Variants in FRMD6 observed in about 807,000 individuals in gnomAD.
FRMD6 encodes the protein FERM domain containing 6.
A neutral mutation model predicts 73.2 loss-of-function variants in FRMD6; 37 were observed. The ratio of observed to expected loss-of-function variants is 0.51; its 90% CI spans 0.39 to 0.66. The LOEUF is 0.66. Ranked by LOEUF, FRMD6 falls within the 30% of genes least tolerant of loss-of-function variation. The probability of loss-of-function intolerance (pLI) is 0.00; values close to 1 mark genes in which losing one functional copy is unlikely to be tolerated. For synonymous variants in FRMD6, 273 were observed against 282.2 expected, an observed-to-expected ratio of 0.97 and a Z score of 0.33; for missense variants, 714 against 780.5, an observed-to-expected ratio of 0.91 and a Z score of 1.02.
chr14:51,409,340 CTTTTTTTT>C, the FRMD6 span, among the ~76,000 whole-genome samples: 10,099 of 84,718 alleles, frequency 0.12, 425 homozygotes, highest in South Asian at 0.18. Flanking sequence ...AAGTTTTTTG[CTTTTTTTT>C]TTTTTTTTTT....
chr14:51,512,801 G>A (rs1375855191), intron 1 of FRMD6, among the ~76,000 whole-genome samples: 3 of 152,160 alleles, frequency 2.0e-5, no homozygotes. Context: ...GGAAAAGCAA[G>A]GATTGGGGCT....
the FRMD6 span, among the ~76,000 whole-genome samples, chr14:51,409,822 C>T: frequency 6.6e-6 from 1 of 152,240 alleles, no homozygotes; most frequent in South Asian, 2.1e-4. Flanking sequence ...CTCCTTGGCT[C>T]AAGTGATCCA....
intron 1 of FRMD6, among the ~76,000 whole-genome samples, chr14:51,656,181 T>C (rs977890423): frequency 1.3e-5 from 2 of 152,202 alleles, no homozygotes; most frequent in African/African-American, 4.8e-5. Flanking sequence ...TTTTTGTATA[T>C]ATCAAATGGA....
chr14:51,523,568 C>T (rs938244777), intron 1 of FRMD6, among the ~76,000 whole-genome samples: 7 of 152,164 alleles, frequency 4.6e-5, no homozygotes, highest in African/African-American at 1.7e-4. Context: ...ATGGTTGCTC[C>T]TGTAAGTGTA....
chr14:51,591,474 A>G (rs1335087628), intron 2 of FRMD6, among the ~76,000 whole-genome samples: 2 of 152,214 alleles, frequency 1.3e-5, no homozygotes, highest in African/African-American at 2.4e-5. Flanking sequence ...ACTATTTCTG[A>G]TAAGTTTTTT....
intron 1 of FRMD6, among the ~76,000 whole-genome samples, chr14:51,672,314 C>T (rs746657318): frequency 4.6e-5 from 7 of 152,174 alleles, no homozygotes; most frequent in Non-Finnish European, 8.8e-5. Flanking sequence ...GTGAAAGCTT[C>T]TCTGGAGAGT....
At chr14:51,403,723 A>G in the FRMD6 span, among the ~76,000 whole-genome samples, 2 of 152,194 alleles carry the variant, frequency 1.3e-5, no homozygotes, top group African/African-American at 2.4e-5. Context: ...TAAAATCAAT[A>G]TTATGTATTA....
intron 2 of FRMD6, among the ~76,000 whole-genome samples, chr14:51,574,890 G>A (rs1056000623): frequency 6.6e-6 from 1 of 152,076 alleles, no homozygotes. Flanking sequence ...ATTTACCCTG[G>A]TGTGATTACT....
chr14:51,574,485 A>G (rs1195930794), intron 2 of FRMD6, among the ~76,000 whole-genome samples: 1 of 152,250 alleles, frequency 6.6e-6, no homozygotes, highest in Non-Finnish European at 1.5e-5. Context: ...CTACTGAGCC[A>G]TAAAAGAGAA....
intron 4 of FRMD6, among the ~76,000 whole-genome samples, chr14:51,701,431 A>G (rs1465968171): frequency 6.8e-6 from 1 of 146,276 alleles, no homozygotes; most frequent in Non-Finnish European, 1.5e-5. Flanking sequence ...GTATAGTAGT[A>G]TATATAGAAA....
At chr14:51,412,745 A>C in the FRMD6 span, among the ~76,000 whole-genome samples, 26 of 151,514 alleles carry the variant, frequency 1.7e-4, no homozygotes, top group Non-Finnish European at 3.7e-4. Flanking sequence ...CCAGCTACTC[A>C]GGAGGCTGAG....
At chr14:51,492,696 A>T (rs1787114040) in intron 1 of FRMD6, among the ~76,000 whole-genome samples, 2 of 152,248 alleles carry the variant, frequency 1.3e-5, no homozygotes, top group African/African-American at 2.4e-5. Context: ...AAGGAAGAAG[A>T]CTAATATTAA....
intron 2 of FRMD6, among the ~76,000 whole-genome samples, chr14:51,624,195 A>G (rs998167251): frequency 6.6e-6 from 1 of 152,130 alleles, no homozygotes; most frequent in Non-Finnish European, 1.5e-5. Flanking sequence ...TAATTAATGG[A>G]TACTAGGCTT....
chr14:51,508,142 AC>A (rs1177649042), intron 1 of FRMD6, among the ~76,000 whole-genome samples: 1 of 151,212 alleles, frequency 6.6e-6, no homozygotes, highest in South Asian at 2.1e-4. Flanking sequence ...GGCAATGAGC[AC>A]CCCCCAGCCT....
chr14:51,557,162 G>C (rs968092947), intron 1 of FRMD6, among the ~76,000 whole-genome samples: 1 of 151,598 alleles, frequency 6.6e-6, no homozygotes, highest in Non-Finnish European at 1.5e-5. Flanking sequence ...AAGGAAGGAA[G>C]GAAATGAGCA....
In FRMD6 at chr14:51,729,592, TA is replaced by T. The variant is rs878903573; in HGVS notation, c.*1570del. 6.6e-6 allele frequency: 1 copy of T among 152,632 alleles called. No homozygotes were observed. The highest frequency in any genetic ancestry group is 2.4e-5 in the African/African-American group (1 of 41,452). 9.5% of individuals were successfully genotyped at this position (152,632 alleles called of 1,614,324 possible). A position where few individuals can be genotyped will look rare whatever the true frequency, so the allele number is the denominator to read the frequency against. On this transcript the variant is annotated 3_prime_UTR_variant, in exon 14 of 14. Transcript: ENST00000344768. ...TTTTTTTCTATCTGCCCAGTTTTAT[TA>T]AAAAAACTATATATTATTTTCTAAA...
At chr14:51,556,100 T>G (rs1887115208) in intron 1 of FRMD6, among the ~76,000 whole-genome samples, 2 of 152,220 alleles carry the variant, frequency 1.3e-5, no homozygotes, top group African/African-American at 2.4e-5. Context: ...CAAAGGGCCT[T>G]GCATCAACAC....
intron 12 of FRMD6, among the ~76,000 whole-genome samples, chr14:51,722,301 G>A (rs1897670813): frequency 6.6e-6 from 1 of 152,180 alleles, no homozygotes; most frequent in South Asian, 2.1e-4. Context: ...AGCATTTTGT[G>A]CTCCATGCTT....
chr14:51,570,112 G>C (rs2139584341), intron 1 of FRMD6, among the ~76,000 whole-genome samples: 1 of 152,198 alleles, frequency 6.6e-6, no homozygotes, highest in South Asian at 2.1e-4. Flanking sequence ...ACTGCGCCCG[G>C]CCCATGAGCC....
Sources: allele counts gnomAD v4.1 joint callset (sites outside exome capture counted in the v4.1 genomes callset), GRCh38; gene constraint gnomAD v4.1.1; transcripts MANE v1.5; gene names NCBI Gene and HGNC (gene_info 2026-07-23, HGNC 2026-07-21).